The following NEB variants were observed in gnomAD, a reference collection of about 807,000 sequenced individuals.
NEB encodes the protein nebulin, also known as nemaline myopathy type 2.
Under a neutral mutation model 952.2 loss-of-function variants are expected in NEB, and 512 were observed. The ratio of observed to expected loss-of-function variants is 0.54; its 90% CI spans 0.50 to 0.58. The LOEUF (loss-of-function observed/expected upper bound fraction) is 0.58, where lower values mean the gene tolerates loss of function less well. Ranked by LOEUF, NEB falls within the 20% of genes least tolerant of loss-of-function variation. The pLI is 0.00. For missense variants in NEB, 8,428 were observed against 9,231.1 expected, an observed-to-expected ratio of 0.91 and a Z score of 3.56; for synonymous variants, 2,900 against 3,149.8, an observed-to-expected ratio of 0.92 and a Z score of 2.66.
At chr2:151,563,767 C>T (rs1321562842) in intron 118 of NEB, 48 bp from the exon 119 acceptor site, 2 of 1,606,304 alleles carry the variant, frequency 1.2e-6, no homozygotes, top group South Asian at 1.1e-5. Flanking sequence ...TCCTAACCAG[C>T]CCCTTGATCC....
chr2:151,548,395 A>C lies in NEB; in HGVS notation c.20070T>G (p.Tyr6690Ter). The C allele has an allele frequency of 6.2e-7, 1 of 1,613,466 alleles. No individual in the cohort carries two copies. The change falls in exon 131 of 182, where the codon TAT becomes TAG. Residue 6690 changes from tyrosine to a stop codon, truncating the protein, a stop_gained. Transcript: ENST00000397345. LOFTEE classifies it high-confidence loss of function. ...TATACCCATATGCCTTGGTGTGTTC[A>C]TAGGCTTCTTTGTACTTGAACTGCA... ...MSSYFKYKEAYEHTKAYGYTL... is the reference protein window; with the variant it reads ...MSSYFKYKEA
chr2:151,701,529 G>A (rs1457164181), intron 13 of NEB, among the ~76,000 whole-genome samples: 2,136 of 150,516 alleles, frequency 0.014, 25 homozygotes, highest in Non-Finnish European at 0.02. Flanking sequence ...ATTGATTATC[G>A]CCACAATTTC....
Position 151,618,467 on chromosome 2 carries a change from CTT to C in NEB, c.10882_10883del (p.Lys3628ValfsTer4), listed in dbSNP as rs2098277425. 6.2e-7 allele frequency: 1 copy of C among 1,613,366 alleles called. No individual in the cohort carries two copies. The highest frequency in any genetic ancestry group is 1.1e-5 in the South Asian group (1 of 90,990). On this transcript the variant is annotated frameshift_variant, in exon 74 of 182. Coordinates refer to ENST00000397345, the MANE Select transcript of NEB (RefSeq NM_001164508.2). LOFTEE classifies it high-confidence loss of function. ...AYDLQSDNLYKSDLEWMKGIG... is the reference protein window; with the variant it reads ...AYDLQSDNLYXSDLEWMKGIG... ...TGCCTTTCATCCATTCAAGGTCTGA[CTT>C]ATACAAATTCTGCAGATCAACAGAT...
intron 36 of NEB, among the ~76,000 whole-genome samples, chr2:151,673,340 C>T (rs2099322930): frequency 6.6e-6 from 1 of 151,926 alleles, no homozygotes; most frequent in African/African-American, 2.4e-5. Flanking sequence ...AGACTTTCAG[C>T]TCCTGCTATT....
At chr2:151,729,870 AAG>A (rs2099801555) in intron 3 of NEB, among the ~76,000 whole-genome samples, 1 of 152,208 alleles carries the variant, frequency 6.6e-6, no homozygotes. Context: ...CAAATGGACA[AAG>A]AGATGCAGAG....
intron 47 of NEB, 121 bp downstream of exon 47, chr2:151,658,944 G>T: frequency 1.2e-6 from 1 of 848,678 alleles, no homozygotes. Context: ...TCTCATGTGT[G>T]GATTTCCACC....
intron 142 of NEB, chr2:151,534,393 C>T: frequency 8.1e-7 from 1 of 1,236,320 alleles, no homozygotes; most frequent in Non-Finnish European, 1.2e-6. Flanking sequence ...AAGGTAAACA[C>T]TCCAGAGGGC....
At chr2:151,649,089 T>G (rs77507435) in intron 54 of NEB, among the ~76,000 whole-genome samples, 3,466 of 152,280 alleles carry the variant, frequency 0.023, 57 homozygotes, top group South Asian at 0.045. Context: ...ATCTCCTGTT[T>G]CATGGAAAGA....
At chr2:151,708,215 C>A (rs939214770) in intron 12 of NEB, among the ~76,000 whole-genome samples, 3 of 152,198 alleles carry the variant, frequency 2.0e-5, no homozygotes, top group African/African-American at 7.2e-5. Flanking sequence ...TGTTTCGTAT[C>A]TTAAAAAGTC....
chr2:151,601,328 C>T (rs1250171327), intron 88 of NEB, among the ~76,000 whole-genome samples: 7 of 142,672 alleles, frequency 4.9e-5, no homozygotes, highest in African/African-American at 1.1e-4. Flanking sequence ...AGGCTGGTCT[C>T]GAACTCCTGA....
In NEB at chr2:151,513,693, T is replaced by G; in HGVS notation, c.23128A>C (p.Lys7710Gln). The change falls in exon 160 of 182, where the codon AAA (lysine) becomes CAA (glutamine). Residue 7710 changes from lysine to glutamine, a missense_variant and splice_region_variant. Physicochemically the swap from Lys to Gln is moderately conservative, Grantham distance 53. Coordinates refer to ENST00000397345, the MANE Select transcript of NEB (RefSeq NM_001164508.2). ...AKNATQILNE[K>Q]EYKRDLELEV... is the part of the protein sequence containing the mutation. ...AGTTCCAGGTCTCGCTTATATTCTT[T>G]CTATAGTAGCATTAAAAGAAAAAAA... is the stretch of plus-strand genomic sequence containing the variant. 2 of 1,585,960 alleles carry G rather than the reference T, an allele frequency of 1.3e-6. No homozygotes were observed. The highest frequency in any genetic ancestry group is 2.3e-5 in the South Asian group (2 of 87,254).
intron 44 of NEB, 125 bp downstream of exon 44, chr2:151,664,376 G>T: frequency 3.2e-6 from 2 of 631,408 alleles, no homozygotes; most frequent in South Asian, 2.5e-5. Flanking sequence ...GAGGTGTCTT[G>T]TGTCACATGG....
chr2:151,520,381 C>T (rs1303938672), intron 153 of NEB, among the ~76,000 whole-genome samples: 1 of 152,038 alleles, frequency 6.6e-6, no homozygotes, highest in African/African-American at 2.4e-5. Flanking sequence ...AAGTGAGATA[C>T]TTCAGAATAA....
chr2:151,689,590 G>A (rs1300349882), intron 24 of NEB: 2 of 152,192 alleles, frequency 1.3e-5, no homozygotes, highest in African/African-American at 2.4e-5. Flanking sequence ...GGAGTGTAAA[G>A]AACGGATGAG....
intron 107 of NEB, among the ~76,000 whole-genome samples, chr2:151,571,701 A>G (rs2096634061): frequency 1.3e-5 from 2 of 152,266 alleles, no homozygotes; most frequent in African/African-American, 4.8e-5. Flanking sequence ...TTAAAAATGT[A>G]TGTAAATATA....
At position 151,609,337 on chromosome 2, in the gene NEB, G is replaced by C. The variant is rs141501194; in HGVS notation, c.12330+472C>G. Among the ~76,000 whole-genome samples the C allele has an allele frequency of 4.4e-3, 670 of 152,200 alleles. 6 individuals are homozygous for C. The highest frequency in any genetic ancestry group is 0.013 in the African/African-American group (519 of 41,510). On this transcript the variant is annotated intron_variant, in intron 81 of 181. Transcript: ENST00000397345. ...GCAAGACCTGAGATCTCACATGATT[G>C]AGGGTTTTTAATATTGATCACAGAA... is the stretch of plus-strand genomic sequence containing the variant.
Position 151,502,928 on chromosome 2 carries a change from C to G in NEB, c.23836-43G>C, listed in dbSNP as rs770495410. The G allele has an allele frequency of 9.8e-6, 12 of 1,221,336 alleles. 1 individual carries two copies. Among genetic ancestry groups the G allele is most frequent in the Non-Finnish European group, 1.4e-5 (12 of 846,110 alleles). The allele number at this position is 1,221,336 out of a possible 1,614,324, so 75.7% of individuals were successfully genotyped here. On this transcript the variant is annotated intron_variant, in intron 166 of 181. Transcript: ENST00000397345. The stretch of plus-strand genomic sequence containing the variant: ...GTACCCAGAGGACATTTAAAACAGG[C>G]ACAGAGAGTAAGGAAGGAAGGAAAT...
Position 151,665,326 on chromosome 2 carries a change from TC to T in NEB, c.5238+6del. 15 of 1,613,236 alleles carry T rather than the reference TC, an allele frequency of 9.3e-6. No homozygotes were observed. The highest frequency in any genetic ancestry group is 1.3e-5 in the Non-Finnish European group (15 of 1,179,602). On this transcript the variant is annotated splice_donor_region_variant and intron_variant, in intron 42 of 181. Transcript: ENST00000397345. The stretch of plus-strand genomic sequence containing the variant: ...TCCCTGGGCGAGGCTGGCAGGTGAG[TC>T]CTTACCTTGTCCATGTTCAGTTTGT...
chr2:151,640,722 C>A, intron 60 of NEB, 56 bp from the exon 61 acceptor site: 1 of 1,533,412 alleles, frequency 6.5e-7, no homozygotes. Flanking sequence ...AAAAAGCAAT[C>A]ACTAAGCCTA....
Sources: gnomAD v4.1 joint callset for allele counts (sites outside exome capture counted in the v4.1 genomes callset) on GRCh38, gnomAD v4.1.1 for gene constraint, MANE v1.5 for transcripts, NCBI Gene and HGNC (gene_info 2026-07-23, HGNC 2026-07-21) for gene names.